Variants in SCAF4 observed in about 807,000 individuals in gnomAD.
SCAF4 encodes SR-related CTD associated factor 4, also known as SR-related and CTD-associated factor 4.
SCAF4 carries 25 observed loss-of-function variants against 129.8 expected under a neutral mutation model. The ratio of observed to expected loss-of-function variants is 0.19; its 90% CI spans 0.14 to 0.27. The LOEUF is 0.27. Among genes scored for constraint, SCAF4 ranks in the 10% least tolerant of loss-of-function variants. The pLI, the probability that SCAF4 is intolerant of heterozygous loss-of-function variation, is 1.00. For missense variants in SCAF4, 1,246 were observed against 1,457.1 expected, an observed-to-expected ratio of 0.86 and a Z score of 2.36; for synonymous variants, 551 against 497.7, an observed-to-expected ratio of 1.11 and a Z score of -1.43.
intron 1 of SCAF4, among the ~76,000 whole-genome samples, chr21:31,725,853 C>T (rs990585553): frequency 6.6e-6 from 1 of 152,012 alleles, no homozygotes; most frequent in African/African-American, 2.4e-5. Context: ...TGATGTCACT[C>T]TTTATTAATT....
rs1201611954 is a variant in SCAF4, at chr21:31,672,795, T to C, written c.2489-441A>G. 4.6e-5 allele frequency among the ~76,000 whole-genome samples: 7 copies of C among 152,152 alleles called. 1 individual carries two copies. Among genetic ancestry groups the C allele is most frequent in the Admixed American group, 4.6e-4 (7 of 15,286 alleles). On this transcript the variant is annotated intron_variant, in intron 19 of 19. Coordinates refer to ENST00000286835, the MANE Select transcript of SCAF4 (RefSeq NM_020706.2). ...GAAAATTTACACCCCGTCTTATTAC[T>C]AGAAAAAAATGAGGTCACTGACCTA...
intron 7 of SCAF4, among the ~76,000 whole-genome samples, chr21:31,698,175 A>T (rs907573180): frequency 3.3e-5 from 5 of 152,230 alleles, no homozygotes; most frequent in African/African-American, 1.2e-4. Flanking sequence ...TTAAAAAATT[A>T]AAATGGGGTC....
At chr21:31,709,350 C>CAAAAAAAAAAAAA (rs376581889) in intron 1 of SCAF4, among the ~76,000 whole-genome samples, 1 of 117,812 alleles carries the variant, frequency 8.5e-6, no homozygotes, top group East Asian at 2.3e-4. Flanking sequence ...CTGAAACTGT[C>CAAAAAAAAAAAAA]AAAAAAAAAA....
At chr21:31,726,555 C>T (rs73201541) in intron 1 of SCAF4, among the ~76,000 whole-genome samples, 5,118 of 152,240 alleles carry the variant, frequency 0.034, 130 homozygotes, top group Non-Finnish European at 0.048. Context: ...GTCCCAGCTA[C>T]TTGGGAGGCT....
intron 1 of SCAF4, among the ~76,000 whole-genome samples, chr21:31,727,478 TA>T (rs2123698781): frequency 6.6e-6 from 1 of 152,240 alleles, no homozygotes; most frequent in South Asian, 2.1e-4. Flanking sequence ...GGTTAAAGAC[TA>T]AAAATACAAT....
At chr21:31,693,055 A>T (rs1374883683) in intron 12 of SCAF4, among the ~76,000 whole-genome samples, 1 of 152,206 alleles carries the variant, frequency 6.6e-6, no homozygotes, top group Non-Finnish European at 1.5e-5. Context: ...AATGCAAGTG[A>T]ATACATTCTG....
chr21:31,683,709 GA>G (rs1203083328), intron 19 of SCAF4, among the ~76,000 whole-genome samples: 5,183 of 141,530 alleles, frequency 0.037, 121 homozygotes, highest in Non-Finnish European at 0.05. Flanking sequence ...ATGTTAATAT[GA>G]AAAAAAAAAA....
chr21:31,721,725 CTTTTTTTTT>C lies in SCAF4; in HGVS notation c.30+9929_30+9937del, dbSNP rs1030749806. Among the ~76,000 whole-genome samples, 18 of 125,422 alleles carry C rather than the reference CTTTTTTTTT, an allele frequency of 1.4e-4. 1 individual carries two copies. The highest frequency in any genetic ancestry group is 5.3e-4 in the African/African-American group (18 of 34,090). The allele number at this position is 125,422 out of a possible 152,430, so 82.3% of individuals were successfully genotyped here. A position where few individuals can be genotyped will look rare whatever the true frequency, so the allele number is the denominator to read the frequency against. On this transcript the variant is annotated intron_variant, in intron 1 of 19. Coordinates refer to ENST00000286835, the MANE Select transcript of SCAF4 (RefSeq NM_020706.2). ...TTATTAACATCAAGCAAGAGCAATT[CTTTTTTTTT>C]TTTTTTTTTTGAGATGGAATCTCGC...
intron 1 of SCAF4, among the ~76,000 whole-genome samples, chr21:31,722,604 C>T (rs2051096741): frequency 1.3e-5 from 2 of 152,328 alleles, no homozygotes; most frequent in South Asian, 4.1e-4. Flanking sequence ...TAGACATTTA[C>T]ATTGAATTTT....
At chr21:31,698,929 G>A (rs1195992766) in intron 7 of SCAF4, among the ~76,000 whole-genome samples, 1 of 152,160 alleles carries the variant, frequency 6.6e-6, no homozygotes, top group Non-Finnish European at 1.5e-5. Context: ...TAGATAGACA[G>A]ATGCAGATGT....
intron 1 of SCAF4, among the ~76,000 whole-genome samples, chr21:31,717,926 C>T (rs1390534264): frequency 6.8e-6 from 1 of 147,330 alleles, no homozygotes; most frequent in African/African-American, 2.6e-5. Flanking sequence ...CACACACACA[C>T]ACACACACAC....
chr21:31,702,024 A>G, intron 5 of SCAF4, 106 bp from the exon 6 acceptor site: 3 of 1,401,594 alleles, frequency 2.1e-6, no homozygotes, highest in Non-Finnish European at 2.0e-6. Flanking sequence ...AACAAAGTAT[A>G]AAATATAGAG....
At position 31,694,823 on chromosome 21, in the gene SCAF4, G is replaced by A. The variant is rs373058844; in HGVS notation, c.1226C>T (p.Pro409Leu). The A allele has an allele frequency of 4.5e-5, 73 of 1,613,902 alleles. No individual in the cohort carries two copies. Among genetic ancestry groups the A allele is most frequent in the Non-Finnish European group, 5.3e-5 (62 of 1,179,966 alleles). Reference sequence around the variant, plus strand: ...AGAATAAAGTTTTACCTGCTGATGCGGCTTCTGTGTAAGTGGTTCATTTTG... The same window carrying A: ...AGAATAAAGTTTTACCTGCTGATGCAGCTTCTGTGTAAGTGGTTCATTTTG... ...QAQNEPLTQK[P>L]HQQEMEVEQP... is the part of the protein sequence containing the mutation. Residue 409 changes from proline to leucine, a missense_variant, in exon 10 of 20, where the codon CCG becomes CTG. By Grantham distance (98) the Pro-to-Leu change is moderately conservative. Transcript: ENST00000286835.
intron 7 of SCAF4, among the ~76,000 whole-genome samples, chr21:31,699,493 G>A (rs1352176731): frequency 1.4e-5 from 2 of 145,286 alleles, no homozygotes; most frequent in Non-Finnish European, 3.0e-5. Context: ...ATAACTTTCT[G>A]TATTATTTGT....
chr21:31,702,448 A>T (rs569957764), intron 4 of SCAF4, 69 bp from the exon 5 acceptor site: 1 of 1,398,908 alleles, frequency 7.1e-7, no homozygotes, highest in Admixed American at 2.2e-5. Flanking sequence ...CTCTTACAAA[A>T]AAAAGAGAGG....
At chr21:31,699,048 G>A (rs2050455155) in intron 7 of SCAF4, among the ~76,000 whole-genome samples, 1 of 152,096 alleles carries the variant, frequency 6.6e-6, no homozygotes. Flanking sequence ...GAGTGAAGTG[G>A]GAGGGGGAGA....
chr21:31,695,385 T>TA lies in SCAF4; in HGVS notation c.1069-406dup, dbSNP rs1478394050. 4.9e-3 allele frequency among the ~76,000 whole-genome samples: 748 copies of TA among 151,268 alleles called. 7 individuals are homozygous for TA. Among genetic ancestry groups the TA allele is most frequent in the African/African-American group, 0.017 (697 of 41,274 alleles). On this transcript the variant is annotated intron_variant, in intron 9 of 19. Coordinates refer to ENST00000286835, the MANE Select transcript of SCAF4 (RefSeq NM_020706.2). ...GAAGCAATGACTTCTAGGTTTACTT[T>TA]AAAAAAAAATAACCAAGGGGGAATT...
intron 19 of SCAF4, among the ~76,000 whole-genome samples, chr21:31,678,234 T>G (rs991772903): frequency 5.3e-5 from 8 of 152,158 alleles, no homozygotes; most frequent in African/African-American, 1.9e-4. Context: ...TCAAACCCAC[T>G]CCTACAGATT....
chr21:31,731,553 G>C (rs1326877907), intron 1 of SCAF4, 110 bp downstream of exon 1: 19 of 1,319,000 alleles, frequency 1.4e-5, no homozygotes, highest in African/African-American at 9.2e-5. Context: ...CCGGAACCGG[G>C]GCAGGAAGCG....
Sources: allele counts gnomAD v4.1 joint callset (sites outside exome capture counted in the v4.1 genomes callset), GRCh38; gene constraint gnomAD v4.1.1; transcripts MANE v1.5; gene names NCBI Gene and HGNC (gene_info 2026-07-23, HGNC 2026-07-21).